Variants in GPC5 observed in about 807,000 individuals in gnomAD.
The protein encoded by GPC5 is glypican 5, also known as glypican-5.
A neutral mutation model predicts 53.9 loss-of-function variants in GPC5; 47 were observed. The observed-to-expected ratio is 0.87, with a 90% CI of 0.69 to 1.11. The LOEUF (loss-of-function observed/expected upper bound fraction) is 1.11, where lower values mean the gene tolerates loss of function less well. Ranked by LOEUF, GPC5 falls within the 50% of genes most tolerant of loss-of-function variation. The pLI is 0.00. For missense variants in GPC5, 748 were observed against 713.1 expected (o/e 1.05, Z -0.56); for synonymous variants, 286 against 263.3 (o/e 1.09, Z -0.84).
intron 7 of GPC5, among the ~76,000 whole-genome samples, chr13:92,811,931 C>T (rs543849860): frequency 1.3e-5 from 2 of 151,968 alleles, no homozygotes; most frequent in East Asian, 1.9e-4. Context: ...GGGTTTATGT[C>T]TGAACTCAAT....
At chr13:92,101,052 A>G (rs2041462709) in intron 6 of GPC5, among the ~76,000 whole-genome samples, 1 of 152,228 alleles carries the variant, frequency 6.6e-6, no homozygotes, top group South Asian at 2.1e-4. Context: ...ACTTCCATGG[A>G]CATTAATAAT....
chr13:91,927,312 A>C (rs536302075), intron 6 of GPC5, among the ~76,000 whole-genome samples: 1 of 152,162 alleles, frequency 6.6e-6, no homozygotes, highest in East Asian at 1.9e-4. Flanking sequence ...TCATCTAAAC[A>C]ATCATTTTTT....
At chr13:92,440,432 TTTC>T (rs1444425998) in intron 7 of GPC5, among the ~76,000 whole-genome samples, 4 of 152,296 alleles carry the variant, frequency 2.6e-5, no homozygotes, top group African/African-American at 9.6e-5. Flanking sequence ...AAGGCGTGAT[TTTC>T]TTCTTTGTGT....
At chr13:92,088,656 G>C (rs2041354303) in intron 6 of GPC5, among the ~76,000 whole-genome samples, 1 of 152,210 alleles carries the variant, frequency 6.6e-6, no homozygotes, top group African/African-American at 2.4e-5. Flanking sequence ...GCTCACAGCT[G>C]AGTCCTGTCC....
chr13:92,670,922 C>G lies in GPC5; in HGVS notation c.1562-195360C>G, dbSNP rs150025672. On this transcript the variant is annotated intron_variant, in intron 7 of 7. Transcript: ENST00000377067. ...TGTGGCAAAAAGGCTGCTCCTTGGT[C>G]TGATCTGCATTTTCCAGGGAACTTG... 4.9e-4 allele frequency among the ~76,000 whole-genome samples: 75 copies of G among 152,230 alleles called. 3 individuals carry two copies. Among genetic ancestry groups the G allele is most frequent in the Middle Eastern group, 6.8e-3 (2 of 294 alleles).
At chr13:91,921,894 CT>C in intron 6 of GPC5, among the ~76,000 whole-genome samples, 1 of 152,020 alleles carries the variant, frequency 6.6e-6, no homozygotes, top group East Asian at 1.9e-4. Context: ...TCTTTTGAGC[CT>C]AGGAGTTCAA....
intron 7 of GPC5, among the ~76,000 whole-genome samples, chr13:92,250,917 A>G (rs141207548): frequency 6.6e-6 from 1 of 152,238 alleles, no homozygotes; most frequent in East Asian, 1.9e-4. Context: ...AATGAAAGAA[A>G]TCTGTTCGGA....
At chr13:92,235,796 T>C (rs997871507) in intron 7 of GPC5, among the ~76,000 whole-genome samples, 2 of 152,140 alleles carry the variant, frequency 1.3e-5, no homozygotes, top group Non-Finnish European at 2.9e-5. Flanking sequence ...TTATTAAAAA[T>C]ACTTTTTCCC....
chr13:92,385,488 A>ATATATG (rs1308122777), intron 7 of GPC5, among the ~76,000 whole-genome samples: 3 of 58,934 alleles, frequency 5.1e-5, no homozygotes, highest in Admixed American at 1.7e-4. Context: ...ACATATATAC[A>ATATATG]CATATATACA....
chr13:91,922,119 C>T (rs2039721596), intron 6 of GPC5, among the ~76,000 whole-genome samples: 1 of 152,020 alleles, frequency 6.6e-6, no homozygotes, highest in South Asian at 2.1e-4. Context: ...CAACTAAAGG[C>T]AAATGATTTA....
At chr13:92,403,491 C>CATGG (rs1875651164) in intron 7 of GPC5, among the ~76,000 whole-genome samples, 1 of 152,138 alleles carries the variant, frequency 6.6e-6, no homozygotes, top group Non-Finnish European at 1.5e-5. Context: ...GAACACAAAC[C>CATGG]CTATTGTGAG....
chr13:92,329,875 C>T (rs1201782116), intron 7 of GPC5, among the ~76,000 whole-genome samples: 1 of 151,898 alleles, frequency 6.6e-6, no homozygotes, highest in African/African-American at 2.4e-5. Flanking sequence ...AAGGAGGGTG[C>T]TTTACTTCAA....
intron 4 of GPC5, among the ~76,000 whole-genome samples, chr13:91,755,651 A>C (rs554761396): frequency 6.6e-6 from 1 of 152,194 alleles, no homozygotes; most frequent in East Asian, 1.9e-4. Flanking sequence ...GTATTGTGGG[A>C]GGAAAAAATC....
chr13:91,661,193 C>T (rs747646114), intron 2 of GPC5, among the ~76,000 whole-genome samples: 4 of 151,964 alleles, frequency 2.6e-5, no homozygotes, highest in Non-Finnish European at 5.9e-5. Flanking sequence ...ATCTGGGTTG[C>T]GGTGAAGGGA....
intron 2 of GPC5, among the ~76,000 whole-genome samples, chr13:91,483,824 AT>A (rs1334760979): frequency 2.0e-5 from 3 of 152,210 alleles, no homozygotes; most frequent in African/African-American, 7.2e-5. Flanking sequence ...TCTCATCAAC[AT>A]TACAGTGAAA....
chr13:92,234,595 G>A (rs2042556459), intron 7 of GPC5, among the ~76,000 whole-genome samples: 1 of 151,862 alleles, frequency 6.6e-6, no homozygotes, highest in Non-Finnish European at 1.5e-5. Context: ...ATACATTGTG[G>A]GGATGTCACT....
At chr13:92,842,975 GATTT>G (rs2138835459) in intron 7 of GPC5, among the ~76,000 whole-genome samples, 1 of 152,232 alleles carries the variant, frequency 6.6e-6, no homozygotes, top group East Asian at 1.9e-4. Context: ...TAGATCCACT[GATTT>G]ATTAACTGCT....
chr13:91,513,983 C>A (rs1290437107), intron 2 of GPC5, among the ~76,000 whole-genome samples: 1 of 152,126 alleles, frequency 6.6e-6, no homozygotes, highest in Non-Finnish European at 1.5e-5. Context: ...GATAGTTTGT[C>A]CTTTTTATTG....
intron 6 of GPC5, among the ~76,000 whole-genome samples, chr13:92,101,401 C>A (rs1283051342): frequency 6.6e-6 from 1 of 152,156 alleles, no homozygotes; most frequent in African/African-American, 2.4e-5. Flanking sequence ...TTACACATAG[C>A]CTGTTGAGCT....
Sources: allele counts gnomAD v4.1 joint callset (sites outside exome capture counted in the v4.1 genomes callset), GRCh38; gene constraint gnomAD v4.1.1; transcripts MANE v1.5; gene names NCBI Gene and HGNC (gene_info 2026-07-23, HGNC 2026-07-21).